LAMA2: variants seen among roughly 807,000 people sequenced by gnomAD.
The protein encoded by LAMA2 is laminin subunit alpha-2.
Under a neutral mutation model 364.8 loss-of-function variants are expected in LAMA2, and 269 were observed. The observed-to-expected ratio is 0.74, with a 90% CI of 0.67 to 0.82. The LOEUF is 0.82. Among genes scored for constraint, LAMA2 ranks in the 40% least tolerant of loss-of-function variants. The pLI, the probability that LAMA2 is intolerant of heterozygous loss-of-function variation, is 0.00. For missense variants in LAMA2, 3,807 were observed against 3,873.2 expected (o/e 0.98, Z 0.45); for synonymous variants, 1,379 against 1,370.6 (o/e 1.01, Z -0.14).
Position 129,314,782 on chromosome 6 carries a change from G to C in LAMA2, c.3539G>C (p.Gly1180Ala), listed in dbSNP as rs762434314. The C allele has an allele frequency of 1.9e-6, 3 of 1,614,048 alleles. No individual in the cohort carries two copies. Among genetic ancestry groups the C allele is most frequent in the East Asian group, 4.5e-5 (2 of 44,878 alleles). ...ACTACCCAGTGCTCTGAAGCAAAAG[G>C]ACTGATCCGGACGTGGGTGAGTAGG... ...GTTTQCSEAK[G>A]LIRTWVTLKA... Residue 1180 changes from glycine to alanine, a missense_variant, in exon 24 of 65, where the codon GGA (glycine) becomes GCA (alanine). Physicochemically the swap from Gly to Ala is moderately conservative, Grantham distance 60. Around this residue, in one of 3 missense-constraint regions of LAMA2, gnomAD observed 3,333 missense variants for 3,345.7 expected, o/e 1.00. Coordinates refer to ENST00000421865, the MANE Select transcript of LAMA2 (RefSeq NM_000426.4).
At chr6:129,500,401 C>T (rs1328090706) in intron 58 of LAMA2, among the ~76,000 whole-genome samples, 1 of 152,152 alleles carries the variant, frequency 6.6e-6, no homozygotes, top group Non-Finnish European at 1.5e-5. Flanking sequence ...TTTGAGGTTA[C>T]ATGTTAGAGT....
chr6:129,212,321 C>G (rs1381092947), intron 12 of LAMA2, among the ~76,000 whole-genome samples: 2 of 152,168 alleles, frequency 1.3e-5, no homozygotes, highest in Admixed American at 6.6e-5. Context: ...GAGCAGGACT[C>G]TATTAAATGT....
At position 129,252,089 on chromosome 6, in the gene LAMA2, T is replaced by C; in HGVS notation, c.1890T>C (p.Asn630=). ...VLQLMIILEG[N]DLSISTAQDE... Reference sequence around the variant, plus strand: ...TCTTTTTTTTCCCCCTTTAGGGTAATGACTTGAGCATCAGCACAGCCCAAG... The same window carrying C: ...TCTTTTTTTTCCCCCTTTAGGGTAACGACTTGAGCATCAGCACAGCCCAAG... Residue 630 remains asparagine, a synonymous_variant, in exon 14 of 65, where the codon AAT becomes AAC. Coordinates refer to ENST00000421865, the MANE Select transcript of LAMA2 (RefSeq NM_000426.4). The C allele has an allele frequency of 6.2e-7, 1 of 1,610,026 alleles. No individual in the cohort carries two copies. Among genetic ancestry groups the C allele is most frequent in the Non-Finnish European group, 8.5e-7 (1 of 1,176,596 alleles).
chr6:129,227,437 C>G (rs1180941578), intron 12 of LAMA2, among the ~76,000 whole-genome samples: 1 of 152,144 alleles, frequency 6.6e-6, no homozygotes, highest in Non-Finnish European at 1.5e-5. Flanking sequence ...CTTCTCTGCT[C>G]TGTTTTTTCC....
intron 12 of LAMA2, among the ~76,000 whole-genome samples, chr6:129,242,940 T>A (rs1562371162): frequency 6.6e-6 from 1 of 152,176 alleles, no homozygotes; most frequent in Non-Finnish European, 1.5e-5. Flanking sequence ...AAGCACATCA[T>A]CTTCTTCTAT....
intron 37 of LAMA2, 132 bp from the exon 38 acceptor site, chr6:129,401,092 A>G (rs1779941834): frequency 1.5e-5 from 11 of 756,482 alleles, no homozygotes; most frequent in South Asian, 4.2e-5. Context: ...TATTTTTCTC[A>G]TCTAGCCACA....
intron 1 of LAMA2, among the ~76,000 whole-genome samples, chr6:128,962,185 T>TATACACACACAC (rs1214826895): frequency 1.7e-4 from 18 of 103,930 alleles, no homozygotes; most frequent in African/African-American, 6.3e-4. Context: ...TATATATATA[T>TATACACACACAC]ACACACATAC....
chr6:128,998,668 C>A (rs1419159501), intron 1 of LAMA2, among the ~76,000 whole-genome samples: 2 of 62,942 alleles, frequency 3.2e-5, no homozygotes, highest in Non-Finnish European at 5.8e-5. Flanking sequence ...TCACTCCCAC[C>A]CGAATATTGC....
Position 128,998,423 on chromosome 6 carries a change from G to A in LAMA2, c.113-51495G>A, listed in dbSNP as rs941959097. Among the ~76,000 whole-genome samples, 7 of 69,262 alleles carry A rather than the reference G, an allele frequency of 1.0e-4. 1 individual carries two copies. The highest frequency in any genetic ancestry group is 2.7e-4 in the African/African-American group (2 of 7,372). The allele number at this position is 69,262 out of a possible 152,430, so 45.4% of individuals were successfully genotyped here. A position where few individuals can be genotyped will look rare whatever the true frequency, so the allele number is the denominator to read the frequency against. On this transcript the variant is annotated intron_variant, in intron 1 of 64. Transcript: ENST00000421865. ...AAGATGGCCGAATAGGAACAGCTCCGCTCTACAGCTCCCAGTGTGAGCGAC... is the reference window on the plus strand; with the variant it reads ...AAGATGGCCGAATAGGAACAGCTCCACTCTACAGCTCCCAGTGTGAGCGAC...
chr6:129,159,461 C>A (rs1779329956), intron 8 of LAMA2, among the ~76,000 whole-genome samples: 1 of 152,212 alleles, frequency 6.6e-6, no homozygotes, highest in Non-Finnish European at 1.5e-5. Context: ...GCGCCCCGGC[C>A]GGGAGGATCT....
chr6:129,045,821 C>T (rs1422365226), intron 1 of LAMA2, among the ~76,000 whole-genome samples: 1 of 152,208 alleles, frequency 6.6e-6, no homozygotes, highest in Non-Finnish European at 1.5e-5. Flanking sequence ...TGGCCTGCTC[C>T]AATCAGGTCT....
At chr6:129,304,161 A>G (rs889697628) in intron 22 of LAMA2, among the ~76,000 whole-genome samples, 1 of 152,238 alleles carries the variant, frequency 6.6e-6, no homozygotes, top group Non-Finnish European at 1.5e-5. Flanking sequence ...TGGTAGTAAT[A>G]GGAACAAGTT....
At chr6:129,070,552 T>C (rs1773243473) in intron 3 of LAMA2, among the ~76,000 whole-genome samples, 1 of 142,254 alleles carries the variant, frequency 7.0e-6, no homozygotes, top group South Asian at 2.1e-4. Context: ...GCTTCTTTAC[T>C]CTTCTGTTGT....
intron 1 of LAMA2, chr6:128,929,787 G>T: frequency 9.5e-7 from 1 of 1,052,116 alleles, no homozygotes; most frequent in South Asian, 1.3e-5. Flanking sequence ...ACTGTCTCCT[G>T]ACTTCCAACC....
chr6:129,369,990 G>C lies in LAMA2; in HGVS notation c.4959G>C (p.Arg1653Ser), dbSNP rs759672711. 1 of 1,613,198 alleles carries C rather than the reference G, an allele frequency of 6.2e-7. No homozygotes were observed. The highest frequency in any genetic ancestry group is 8.5e-7 in the Non-Finnish European group (1 of 1,179,286). ...LVTEMNELLT[R>S]ATKVTADGEQ... is the part of the protein sequence containing the mutation. The stretch of plus-strand genomic sequence containing the variant: ...CCGAAATGAACGAGCTGCTGACCAG[G>C]GTAAGGTGGCAAAATTATGAATCTT... Residue 1653 changes from arginine to serine, a missense_variant and splice_region_variant, in exon 34 of 65, where the codon AGG (arginine) becomes AGC (serine). This residue lies in a region of LAMA2 where 3,333 missense variants were observed against 3,345.7 expected (regional missense o/e 1.00). Transcript: ENST00000421865.
intron 30 of LAMA2, among the ~76,000 whole-genome samples, chr6:129,347,919 G>A (rs184115834): frequency 1.3e-5 from 2 of 152,052 alleles, no homozygotes; most frequent in South Asian, 2.1e-4. Context: ...TTTTTTTATT[G>A]ACATTTCATT....
Position 129,090,342 on chromosome 6 carries a change from C to T in LAMA2, c.397-7831C>T, listed in dbSNP as rs141440535. On this transcript the variant is annotated intron_variant, in intron 3 of 64. Transcript: ENST00000421865. ...TTTGTAACTACTTCATTATGTATCT[C>T]TGAAGGATAAGACTCTTTTATAAAG... Among the ~76,000 whole-genome samples the T allele has an allele frequency of 1.3e-4, 20 of 152,220 alleles. No individual in the cohort carries two copies. In the East Asian group the frequency reaches 3.9e-3, roughly 29 times the overall value.
At chr6:129,159,480 G>A (rs540093857) in intron 8 of LAMA2, among the ~76,000 whole-genome samples, 310 of 152,336 alleles carry the variant, frequency 2.0e-3, no homozygotes, top group South Asian at 4.3e-3. Context: ...CTGCCGGGGA[G>A]AGCGGCTTTC....
chr6:129,194,470 A>C (rs1039555280), intron 12 of LAMA2, among the ~76,000 whole-genome samples: 1 of 152,166 alleles, frequency 6.6e-6, no homozygotes, highest in African/African-American at 2.4e-5. Flanking sequence ...TCCCATTAGT[A>C]GTTGTTGGTT....
Sources: allele counts gnomAD v4.1 joint callset (sites outside exome capture counted in the v4.1 genomes callset), GRCh38; gene constraint gnomAD v4.1.1; regional missense constraint gnomAD v4.1.1; transcripts MANE v1.5; gene names NCBI Gene and HGNC (gene_info 2026-07-23, HGNC 2026-07-21).